The following ELP6 variants were observed in gnomAD, a reference collection of about 807,000 sequenced individuals.
ELP6 encodes elongator complex protein 6.
In ELP6, 23 loss-of-function variants were observed where a neutral mutation model predicts 28.1. That is an observed-to-expected ratio of 0.82 (90% CI 0.59 to 1.16). ELP6 has a LOEUF of 1.16. Ranked by LOEUF, ELP6 falls within the 50% of genes most tolerant of loss-of-function variation. The pLI is 0.00. For synonymous variants in ELP6, 132 were observed against 135.8 expected (o/e 0.97, Z 0.19); for missense variants, 313 against 334.6 (o/e 0.94, Z 0.50).
intron 3 of ELP6, among the ~76,000 whole-genome samples, chr3:47,507,730 C>T (rs1414102092): frequency 6.6e-6 from 1 of 152,138 alleles, no homozygotes; most frequent in Non-Finnish European, 1.5e-5. Flanking sequence ...ACAAAATGCC[C>T]AGGGTCTTCC....
chr3:47,503,654 G>C (rs2108096761), intron 4 of ELP6, among the ~76,000 whole-genome samples: 1 of 152,204 alleles, frequency 6.6e-6, no homozygotes, highest in Non-Finnish European at 1.5e-5. Flanking sequence ...TGTAATCCCA[G>C]CACTTTGGGA....
chr3:47,498,645 A>C (rs1390389855), intron 5 of ELP6: 3 of 985,274 alleles, frequency 3.0e-6, no homozygotes, highest in African/African-American at 3.5e-5. Context: ...TAATGAGCCA[A>C]CCCATATTTT....
chr3:47,509,773 C>CT (rs141981098), intron 3 of ELP6, among the ~76,000 whole-genome samples: 2,098 of 141,550 alleles, frequency 0.015, 19 homozygotes, highest in Non-Finnish European at 0.016. Flanking sequence ...CCCAAGATTT[C>CT]TTTTTTTTTT....
chr3:47,499,873 G>A (rs1708593641), intron 5 of ELP6: 2 of 1,244,574 alleles, frequency 1.6e-6, no homozygotes, highest in Non-Finnish European at 2.1e-6. Context: ...AGGAGAAGCT[G>A]CAGTGGGACC....
chr3:47,505,507 C>A (rs903276621), intron 3 of ELP6, among the ~76,000 whole-genome samples: 6 of 152,042 alleles, frequency 3.9e-5, no homozygotes, highest in African/African-American at 1.4e-4. Context: ...TAGGTTCAAG[C>A]GATTCTTGTG....
intron 3 of ELP6, among the ~76,000 whole-genome samples, chr3:47,506,918 G>A (rs371767425): frequency 2.0e-5 from 3 of 151,994 alleles, no homozygotes; most frequent in South Asian, 4.1e-4. Context: ...CGGTCCCTCC[G>A]TTTGGAGTCC....
Position 47,495,675 on chromosome 3 carries a change from T to G in ELP6, c.*394A>C, listed in dbSNP as rs1708460958. The stretch of plus-strand genomic sequence containing the variant: ...AAACTTACTTTATTCCAGCCATGAT[T>G]ATCCTAGTTGTCACCTTGCACACCT... On this transcript the variant is annotated 3_prime_UTR_variant, in exon 7 of 7. Transcript: ENST00000296149. 1 of 203,870 alleles carries G rather than the reference T, an allele frequency of 4.9e-6. No homozygotes were observed. The highest frequency in any genetic ancestry group is 6.1e-5 in the Admixed American group (1 of 16,514). 12.6% of individuals were successfully genotyped at this position (203,870 alleles called of 1,614,324 possible).
intron 6 of ELP6, 91 bp downstream of exon 6, chr3:47,498,195 A>ATGTCCCACCT: frequency 6.5e-7 from 1 of 1,531,080 alleles, no homozygotes. Flanking sequence ...TGTCCCAACC[A>ATGTCCCACCT]GACAGTCCCT....
chr3:47,496,056 C>T lies in ELP6; in HGVS notation c.*13G>A. 1 of 1,614,074 alleles carries T rather than the reference C, an allele frequency of 6.2e-7. No homozygotes were observed. The highest frequency in any genetic ancestry group is 8.5e-7 in the Non-Finnish European group (1 of 1,179,988). The stretch of plus-strand genomic sequence containing the variant: ...AAACAGTCCTATGTAGCTTCAGCTG[C>T]TCCGAAATCAGGTCACAGAACAGCA... On this transcript the variant is annotated 3_prime_UTR_variant, in exon 7 of 7. Transcript: ENST00000296149.
intron 1 of ELP6, chr3:47,511,948 C>G (rs1709028526): frequency 2.0e-6 from 2 of 983,638 alleles, no homozygotes; most frequent in Non-Finnish European, 2.4e-6. Flanking sequence ...TTTTCACTTA[C>G]AAAATGTGAA....
At chr3:47,507,100 C>T (rs538863906) in intron 3 of ELP6, among the ~76,000 whole-genome samples, 13 of 152,290 alleles carry the variant, frequency 8.5e-5, no homozygotes, top group East Asian at 1.9e-4. Flanking sequence ...TGGTGGTTCA[C>T]GCCTATAATC....
At chr3:47,511,390 A>G in intron 1 of ELP6, 164 bp from the exon 2 acceptor site, 1 of 1,412,062 alleles carries the variant, frequency 7.1e-7, no homozygotes, top group Non-Finnish European at 9.2e-7. Context: ...AAATAAGTCA[A>G]AATTATGGAA....
intron 2 of ELP6, 36 bp downstream of exon 2, chr3:47,511,112 T>G (rs1559595283): frequency 6.4e-7 from 1 of 1,568,044 alleles, no homozygotes; most frequent in Non-Finnish European, 8.8e-7. Flanking sequence ...GCACCCATCT[T>G]GGGTTTCTTT....
intron 4 of ELP6, 93 bp downstream of exon 4, chr3:47,504,237 T>C: frequency 2.1e-6 from 3 of 1,448,590 alleles, no homozygotes; most frequent in Non-Finnish European, 2.8e-6. Flanking sequence ...TCCATCCTCC[T>C]GCACAATAAG....
intron 3 of ELP6, 37 bp from the exon 4 acceptor site, chr3:47,504,485 T>A: frequency 6.4e-7 from 1 of 1,561,676 alleles, no homozygotes; most frequent in Non-Finnish European, 8.7e-7. Context: ...CTATGCCTTG[T>A]AGGGGAACCC....
chr3:47,510,658 C>T (rs1442318407), intron 2 of ELP6, among the ~76,000 whole-genome samples: 1 of 152,072 alleles, frequency 6.6e-6, no homozygotes, highest in African/African-American at 2.4e-5. Context: ...CAGGGTCTCC[C>T]TATATTGCCC....
chr3:47,503,381 A>G, intron 4 of ELP6: 1 of 1,289,784 alleles, frequency 7.8e-7, no homozygotes, highest in South Asian at 1.2e-5. Context: ...AAGGAGGAAA[A>G]GCAGGAAAAC....
At chr3:47,510,901 C>T (rs11929583) in intron 2 of ELP6, among the ~76,000 whole-genome samples, 70 of 152,166 alleles carry the variant, frequency 4.6e-4, no homozygotes, top group African/African-American at 1.6e-3. Flanking sequence ...GAGGCAATGT[C>T]CACACAGTGG....
chr3:47,501,626 C>T (rs1484419785), intron 5 of ELP6, 24 bp downstream of exon 5: 1 of 1,612,090 alleles, frequency 6.2e-7, no homozygotes, highest in African/African-American at 1.3e-5. Context: ...CAGGTGGGCG[C>T]AGAGAAGGCA....
Sources: allele counts gnomAD v4.1 joint callset (sites outside exome capture counted in the v4.1 genomes callset), GRCh38; gene constraint gnomAD v4.1.1; transcripts MANE v1.5; gene names NCBI Gene and HGNC (gene_info 2026-07-23, HGNC 2026-07-21).